CNTN5: variants seen among roughly 807,000 people sequenced by gnomAD.
CNTN5 encodes contactin-5.
In CNTN5, 77 loss-of-function variants were observed where a neutral mutation model predicts 129.1. The ratio of observed to expected loss-of-function variants is 0.60; its 90% CI spans 0.50 to 0.72. The LOEUF (loss-of-function observed/expected upper bound fraction) is 0.72, where lower values mean the gene tolerates loss of function less well. CNTN5 is among the 30% of genes least tolerant of loss of function. The probability of loss-of-function intolerance (pLI) is 0.00; values close to 1 mark genes in which losing one functional copy is unlikely to be tolerated. For synonymous variants in CNTN5, 509 were observed against 465.6 expected, an observed-to-expected ratio of 1.09 and a Z score of -1.20; for missense variants, 1,478 against 1,328.8, an observed-to-expected ratio of 1.11 and a Z score of -1.75.
intron 6 of CNTN5, among the ~76,000 whole-genome samples, chr11:99,871,792 G>T (rs895905655): frequency 1.3e-5 from 2 of 151,748 alleles, no homozygotes; most frequent in Non-Finnish European, 2.9e-5. Context: ...AATGCCTGAT[G>T]GTACAATGTT....
At chr11:99,655,384 CA>C (rs1474969556) in intron 3 of CNTN5, among the ~76,000 whole-genome samples, 1 of 152,076 alleles carries the variant, frequency 6.6e-6, no homozygotes, top group African/African-American at 2.4e-5. Flanking sequence ...CAGAACTTGG[CA>C]AACGATTCTT....
intron 9 of CNTN5, among the ~76,000 whole-genome samples, chr11:100,023,295 G>A: frequency 6.6e-6 from 1 of 152,058 alleles, no homozygotes; most frequent in South Asian, 2.1e-4. Flanking sequence ...CACCTCCAGT[G>A]TGTTTTATCA....
intron 8 of CNTN5, among the ~76,000 whole-genome samples, chr11:99,973,626 G>A (rs1421836169): frequency 1.3e-5 from 2 of 151,790 alleles, no homozygotes; most frequent in African/African-American, 4.8e-5. Context: ...TTTTCTCTCT[G>A]CACTAATTCT....
At chr11:99,172,408 C>T (rs1404514563) in intron 1 of CNTN5, among the ~76,000 whole-genome samples, 1 of 152,068 alleles carries the variant, frequency 6.6e-6, no homozygotes, top group Non-Finnish European at 1.5e-5. Flanking sequence ...TAATCTTTTC[C>T]TCTTCATCAA....
intron 4 of CNTN5, among the ~76,000 whole-genome samples, chr11:99,827,805 G>A (rs561518656): frequency 7.6e-4 from 115 of 152,224 alleles, no homozygotes; most frequent in African/African-American, 2.7e-3. Flanking sequence ...TAATCAGAAT[G>A]CTTTCTGAAT....
chr11:99,334,891 C>T (rs1029172445), intron 2 of CNTN5, among the ~76,000 whole-genome samples: 1 of 151,614 alleles, frequency 6.6e-6, no homozygotes, highest in African/African-American at 2.4e-5. Flanking sequence ...AGTTCTAATA[C>T]ACATTGTTTC....
intron 9 of CNTN5, among the ~76,000 whole-genome samples, chr11:100,047,127 C>T (rs746710483): frequency 4.0e-5 from 6 of 151,554 alleles, no homozygotes; most frequent in Admixed American, 6.6e-5. Context: ...GTGTACAGGG[C>T]GGAAAAACTA....
chr11:100,020,306 G>A (rs1388854646), intron 9 of CNTN5, among the ~76,000 whole-genome samples: 7 of 151,778 alleles, frequency 4.6e-5, no homozygotes, highest in Admixed American at 4.6e-4. Context: ...GGTGATATTT[G>A]TATATGGGGT....
Position 99,129,535 on chromosome 11 carries a change from C to A in CNTN5, c.-210+108265C>A, listed in dbSNP as rs574725377. ...GAGAATGGAAGCAAGTTGGAAAAGA[C>A]ACTTAAGGATACTATCCAGGAGAAT... On this transcript the variant is annotated intron_variant, in intron 1 of 24. Transcript: ENST00000524871. Among the ~76,000 whole-genome samples, 16 of 152,294 alleles carry A rather than the reference C, an allele frequency of 1.1e-4. No individual in the cohort carries two copies. The South Asian group carries it at 2.1e-3, about 20-fold the overall frequency.
chr11:99,127,008 A>G (rs753422766), intron 1 of CNTN5, among the ~76,000 whole-genome samples: 1 of 152,174 alleles, frequency 6.6e-6, no homozygotes. Context: ...GGCTACCATT[A>G]CTATCTATGT....
chr11:99,519,901 G>T (rs552495323), intron 2 of CNTN5, among the ~76,000 whole-genome samples: 2 of 152,106 alleles, frequency 1.3e-5, no homozygotes, highest in South Asian at 4.1e-4. Flanking sequence ...AAGGAATCAG[G>T]AGAATTCCAG....
At chr11:99,969,080 C>G (rs1951178343) in intron 8 of CNTN5, among the ~76,000 whole-genome samples, 1 of 151,956 alleles carries the variant, frequency 6.6e-6, no homozygotes, top group Non-Finnish European at 1.5e-5. Context: ...CCATACAATC[C>G]AATTTCTTCC....
intron 6 of CNTN5, among the ~76,000 whole-genome samples, chr11:99,904,508 A>G (rs1286869415): frequency 1.3e-5 from 2 of 152,114 alleles, no homozygotes; most frequent in Admixed American, 1.3e-4. Context: ...TCCATGGGGT[A>G]TATGTGCCAC....
intron 8 of CNTN5, among the ~76,000 whole-genome samples, chr11:99,995,850 T>C (rs1421338946): frequency 6.6e-6 from 1 of 152,158 alleles, no homozygotes; most frequent in Non-Finnish European, 1.5e-5. Context: ...GCCTCAGCTA[T>C]TGCATTGTTT....
chr11:99,837,553 A>G (rs1219605125), intron 4 of CNTN5, among the ~76,000 whole-genome samples: 1 of 152,020 alleles, frequency 6.6e-6, no homozygotes, highest in Non-Finnish European at 1.5e-5. Context: ...TGTATTTTAC[A>G]TACATTTCAG....
chr11:100,206,768 C>T (rs906075105), intron 15 of CNTN5, among the ~76,000 whole-genome samples: 9 of 152,018 alleles, frequency 5.9e-5, no homozygotes, highest in African/African-American at 2.2e-4. Flanking sequence ...CATTTATTCT[C>T]ATACTAAACA....
At chr11:99,291,748 A>G (rs1050087247) in intron 1 of CNTN5, among the ~76,000 whole-genome samples, 5 of 152,042 alleles carry the variant, frequency 3.3e-5, no homozygotes, top group Non-Finnish European at 7.4e-5. Context: ...TTTGAATGTA[A>G]TAAATGAGCC....
At chr11:99,598,498 C>T (rs1950215636) in intron 3 of CNTN5, among the ~76,000 whole-genome samples, 1 of 141,754 alleles carries the variant, frequency 7.1e-6, no homozygotes, top group Non-Finnish European at 1.5e-5. Context: ...TCCTTCCTTT[C>T]TTTGTCTCTT....
At chr11:100,085,050 G>C (rs1944496035) in intron 13 of CNTN5, among the ~76,000 whole-genome samples, 1 of 152,088 alleles carries the variant, frequency 6.6e-6, no homozygotes, top group African/African-American at 2.4e-5. Context: ...TCATAGAAGA[G>C]AGGGGTGGTG....
Sources: allele counts gnomAD v4.1 joint callset (sites outside exome capture counted in the v4.1 genomes callset), GRCh38; gene constraint gnomAD v4.1.1; transcripts MANE v1.5; gene names NCBI Gene and HGNC (gene_info 2026-07-23, HGNC 2026-07-21).